KCNK2: variants seen among roughly 807,000 people sequenced by gnomAD.
KCNK2 encodes the protein potassium two pore domain channel subfamily K member 2, also known as potassium channel subfamily K member 2.
KCNK2 carries 21 observed loss-of-function variants against 40.5 expected under a neutral mutation model. The ratio of observed to expected loss-of-function variants is 0.52; its 90% CI spans 0.37 to 0.75. KCNK2 has a LOEUF of 0.75. KCNK2 is among the 30% of genes least tolerant of loss of function. The pLI, the probability that KCNK2 is intolerant of heterozygous loss-of-function variation, is 0.00. For synonymous variants in KCNK2, 191 were observed against 202.2 expected (o/e 0.94, Z 0.47); for missense variants, 399 against 531.6 (o/e 0.75, Z 2.45).
At chr1:215,035,254 C>T (rs1259655370) in intron 1 of KCNK2, among the ~76,000 whole-genome samples, 1 of 152,006 alleles carries the variant, frequency 6.6e-6, no homozygotes, top group Non-Finnish European at 1.5e-5. Context: ...TCCTGTCAAC[C>T]CCTGACATCC....
intron 3 of KCNK2, among the ~76,000 whole-genome samples, chr1:215,138,408 C>G (rs1662023514): frequency 1.3e-5 from 2 of 152,056 alleles, no homozygotes; most frequent in African/African-American, 4.8e-5. Context: ...AAAATGAAAT[C>G]TAAGTGTCAG....
chr1:215,062,313 T>C (rs1391006117), intron 1 of KCNK2, among the ~76,000 whole-genome samples: 2 of 152,114 alleles, frequency 1.3e-5, no homozygotes, highest in African/African-American at 4.8e-5. Flanking sequence ...CTGGTTTGAA[T>C]TTTTTGTTTT....
At chr1:215,190,869 C>G (rs1302641845) in intron 5 of KCNK2, among the ~76,000 whole-genome samples, 1 of 152,120 alleles carries the variant, frequency 6.6e-6, no homozygotes, top group Non-Finnish European at 1.5e-5. Flanking sequence ...AGTAAGTCTT[C>G]CTTCTCATCC....
chr1:215,083,457 A>G, intron 1 of KCNK2, 26 bp downstream of exon 1: 1 of 1,538,938 alleles, frequency 6.5e-7, no homozygotes, highest in Non-Finnish European at 9.0e-7. Flanking sequence ...CGGTACCCCC[A>G]CCCCTCTGGC....
At chr1:215,031,240 C>T (rs1017103027) in intron 1 of KCNK2, among the ~76,000 whole-genome samples, 14 of 152,154 alleles carry the variant, frequency 9.2e-5, no homozygotes, top group Admixed American at 4.6e-4. Flanking sequence ...ACCATATAAA[C>T]TTAAGCATCA....
intron 2 of KCNK2, among the ~76,000 whole-genome samples, chr1:215,096,224 A>G (rs1659970607): frequency 6.6e-6 from 1 of 151,898 alleles, no homozygotes; most frequent in Non-Finnish European, 1.5e-5. Context: ...ACACACATAC[A>G]CATCTTTCCA....
At chr1:215,196,218 G>A (rs1664859291) in intron 6 of KCNK2, among the ~76,000 whole-genome samples, 1 of 151,810 alleles carries the variant, frequency 6.6e-6, no homozygotes, top group African/African-American at 2.4e-5. Context: ...CGAGTATCTG[G>A]GACTACAGGC....
intron 5 of KCNK2, among the ~76,000 whole-genome samples, chr1:215,177,703 C>T (rs1484974980): frequency 1.4e-5 from 2 of 139,246 alleles, no homozygotes; most frequent in Admixed American, 1.5e-4. Flanking sequence ...TTCTGCTCCA[C>T]TGGCCTATAT....
intron 1 of KCNK2, among the ~76,000 whole-genome samples, chr1:215,066,580 G>A (rs1360829277): frequency 6.6e-6 from 1 of 152,144 alleles, no homozygotes; most frequent in Non-Finnish European, 1.5e-5. Context: ...TGGCTCTTTG[G>A]ACCAGCCTGC....
chr1:215,101,012 G>A (rs181336609), intron 2 of KCNK2, among the ~76,000 whole-genome samples: 3 of 151,998 alleles, frequency 2.0e-5, no homozygotes, highest in East Asian at 3.9e-4. Flanking sequence ...TAGCATATTA[G>A]CTGTTATAGA....
chr1:215,171,949 T>A, intron 4 of KCNK2, 48 bp from the exon 5 acceptor site: 2 of 1,271,576 alleles, frequency 1.6e-6, no homozygotes, highest in Non-Finnish European at 2.2e-6. Flanking sequence ...TCTCCCCCCA[T>A]TTATATACAT....
chr1:215,191,380 G>A (rs1310351521), intron 5 of KCNK2, among the ~76,000 whole-genome samples: 1 of 152,042 alleles, frequency 6.6e-6, no homozygotes, highest in Non-Finnish European at 1.5e-5. Flanking sequence ...GCTAGAATAG[G>A]GCTTTCTTAA....
chr1:215,234,574 T>C (rs1018457998), intron 6 of KCNK2, among the ~76,000 whole-genome samples: 1 of 152,132 alleles, frequency 6.6e-6, no homozygotes, highest in Admixed American at 6.5e-5. Context: ...AACAAGCACA[T>C]GTAGAGCCCC....
At chr1:215,080,144 A>G (rs577585583), upstream of KCNK2, among the ~76,000 whole-genome samples, 1 of 152,328 alleles carries the variant, frequency 6.6e-6, no homozygotes, top group African/African-American at 2.4e-5. Flanking sequence ...CCTAAGTTCC[A>G]TGAGTCTGGA....
At chr1:215,231,339 G>A (rs1235147260) in intron 6 of KCNK2, among the ~76,000 whole-genome samples, 1 of 152,076 alleles carries the variant, frequency 6.6e-6, no homozygotes, top group Non-Finnish European at 1.5e-5. Context: ...TCAATAAATA[G>A]TAGGCAATAA....
intron 4 of KCNK2, among the ~76,000 whole-genome samples, chr1:215,169,995 G>A (rs2102635021): frequency 6.6e-6 from 1 of 152,118 alleles, no homozygotes; most frequent in South Asian, 2.1e-4. Context: ...TCTTAAACTA[G>A]TTATTATCCC....
intron 5 of KCNK2, among the ~76,000 whole-genome samples, chr1:215,189,121 G>A (rs770243103): frequency 6.6e-6 from 1 of 152,142 alleles, no homozygotes; most frequent in Non-Finnish European, 1.5e-5. Context: ...GACTCTCGGA[G>A]AACTCACAAC....
At chr1:215,096,343 AT>A (rs1259929619) in intron 2 of KCNK2, among the ~76,000 whole-genome samples, 1 of 151,964 alleles carries the variant, frequency 6.6e-6, no homozygotes, top group Non-Finnish European at 1.5e-5. Context: ...CCTACTAAAA[AT>A]ATTTATTTTA....
At chr1:215,007,185 G>GTA (rs1162302568) in intron 1 of KCNK2, among the ~76,000 whole-genome samples, 835 of 30,798 alleles carry the variant, frequency 0.027, 14 homozygotes, top group African/African-American at 0.036. Context: ...ATGTGTGTGG[G>GTA]TATATATATA....
Sources: allele counts gnomAD v4.1 joint callset (sites outside exome capture counted in the v4.1 genomes callset), GRCh38; gene constraint gnomAD v4.1.1; transcripts MANE v1.5; gene names NCBI Gene and HGNC (gene_info 2026-07-23, HGNC 2026-07-21).